KALRN: variants seen among roughly 807,000 people sequenced by gnomAD.
KALRN encodes kalirin.
A neutral mutation model predicts 353.7 loss-of-function variants in KALRN; 70 were observed. The observed-to-expected ratio is 0.20, with a 90% CI of 0.16 to 0.24. The LOEUF is 0.24. Among genes scored for constraint, KALRN ranks in the 10% least tolerant of loss-of-function variants. The pLI is 1.00. For missense variants in KALRN, 2,791 were observed against 3,756.7 expected, an observed-to-expected ratio of 0.74 and a Z score of 6.72; for synonymous variants, 1,391 against 1,434.8, an observed-to-expected ratio of 0.97 and a Z score of 0.69.
intron 38 of KALRN, among the ~76,000 whole-genome samples, chr3:124,653,332 A>G (rs1459536773): frequency 6.6e-6 from 1 of 152,222 alleles, no homozygotes; most frequent in African/African-American, 2.4e-5. Flanking sequence ...CTTGTCTTCA[A>G]GTTTTAGTCA....
intron 1 of KALRN, among the ~76,000 whole-genome samples, chr3:124,143,945 AG>A (rs1297514157): frequency 6.6e-6 from 1 of 152,148 alleles, no homozygotes; most frequent in Non-Finnish European, 1.5e-5. Context: ...ATGGGCAGTA[AG>A]GGGGGGATCT....
At position 124,660,938 on chromosome 3, in the gene KALRN, A is replaced by G; in HGVS notation, c.6232A>G (p.Ser2078Gly). 6.2e-7 allele frequency: 1 copy of G among 1,610,826 alleles called. No homozygotes were observed. Among genetic ancestry groups the G allele is most frequent in the Non-Finnish European group, 8.5e-7 (1 of 1,177,174 alleles). ...QLLLKDFLRY[S>G]EKAGLECSDI... ...TACTTGTTAGGACTTCCTGAGATACAGTGAGAAGGCTGGTTTGGAGTGTTC... is the reference window on the plus strand; with the variant it reads ...TACTTGTTAGGACTTCCTGAGATACGGTGAGAAGGCTGGTTTGGAGTGTTC... The change falls in exon 44 of 60, where the codon AGT becomes GGT. Residue 2078 changes from serine to glycine, a missense_variant. By Grantham distance (56) the Ser-to-Gly change is moderately conservative (BLOSUM62 0). This residue lies in a region of KALRN where 1,065 missense variants were observed against 1,156.4 expected (regional missense o/e 0.92). Coordinates refer to ENST00000682506, the MANE Select transcript of KALRN (RefSeq NM_001388419.1).
chr3:124,620,751 C>G (rs2079174883), intron 34 of KALRN, among the ~76,000 whole-genome samples: 1 of 152,210 alleles, frequency 6.6e-6, no homozygotes. Context: ...TCAGGAAGTG[C>G]TTATCTAGGG....
chr3:124,604,154 T>A (rs202091605), intron 34 of KALRN, among the ~76,000 whole-genome samples: 59 of 83,174 alleles, frequency 7.1e-4, no homozygotes, highest in South Asian at 4.5e-3. Context: ...TTTTTTTTTT[T>A]AAATTTATTA....
chr3:124,091,162 G>C (rs2061096909), intron 1 of KALRN, among the ~76,000 whole-genome samples: 1 of 152,220 alleles, frequency 6.6e-6, no homozygotes. Context: ...GATGCTGTCT[G>C]CTGGAGTGTT....
Position 124,250,335 on chromosome 3 carries a change from G to T in KALRN, c.264-14163G>T, listed in dbSNP as rs529485100. ...TGTGGGGGTTCCTGTGAGAGGGCAG[G>T]GAGAGGTGGGGGTGTGACAAGAGAA... On this transcript the variant is annotated intron_variant, in intron 3 of 59. Coordinates refer to ENST00000682506, the MANE Select transcript of KALRN (RefSeq NM_001388419.1). 2.6e-5 allele frequency among the ~76,000 whole-genome samples: 4 copies of T among 152,326 alleles called. No individual in the cohort carries two copies. In the South Asian group the frequency reaches 8.3e-4, roughly 32 times the overall value.
At chr3:124,560,448 C>T (rs780936500) in intron 33 of KALRN, among the ~76,000 whole-genome samples, 1 of 152,030 alleles carries the variant, frequency 6.6e-6, no homozygotes, top group Non-Finnish European at 1.5e-5. Context: ...AGTCCATTAG[C>T]GAGGTGGAAT....
chr3:124,507,929 G>T (rs148377032), intron 33 of KALRN, among the ~76,000 whole-genome samples: 2 of 152,132 alleles, frequency 1.3e-5, no homozygotes, highest in Non-Finnish European at 2.9e-5. Flanking sequence ...TGGCCTTGAA[G>T]TTCATCTTCC....
At chr3:124,504,592 C>T in intron 33 of KALRN, 1 of 273,222 alleles carries the variant, frequency 3.7e-6, no homozygotes, top group South Asian at 4.3e-5. Context: ...TCAGGGTTGG[C>T]ATGTGGCAAG....
chr3:124,579,692 C>T (rs1011153861), intron 34 of KALRN, among the ~76,000 whole-genome samples: 1 of 152,186 alleles, frequency 6.6e-6, no homozygotes, highest in East Asian at 1.9e-4. Flanking sequence ...GCTTCATTCT[C>T]GGAGAGCTTC....
At chr3:124,690,965 A>T (rs1299930586) in intron 51 of KALRN, among the ~76,000 whole-genome samples, 1 of 152,250 alleles carries the variant, frequency 6.6e-6, no homozygotes, top group Non-Finnish European at 1.5e-5. Context: ...TCTGAAATGA[A>T]GTCAAAGGTC....
At chr3:124,525,551 C>A (rs942370756) in intron 33 of KALRN, among the ~76,000 whole-genome samples, 10 of 152,114 alleles carry the variant, frequency 6.6e-5, no homozygotes, top group African/African-American at 2.4e-4. Flanking sequence ...CGAGAGTGAC[C>A]TGTAAGGATA....
At chr3:124,642,806 G>GTTGTTTTTTTTTT (rs796628603) in intron 37 of KALRN, among the ~76,000 whole-genome samples, 5,709 of 95,610 alleles carry the variant, frequency 0.06, 529 homozygotes, top group Middle Eastern at 0.079. Context: ...CCCAAGCCTC[G>GTTGTTTTTTTTTT]TTTTTTTTTT....
At chr3:124,463,551 G>A (rs914787632) in intron 25 of KALRN, among the ~76,000 whole-genome samples, 9 of 152,216 alleles carry the variant, frequency 5.9e-5, no homozygotes, top group African/African-American at 2.2e-4. Context: ...GATATGTGTG[G>A]CTAATGAACA....
At chr3:124,092,388 C>A (rs2149370201) in intron 1 of KALRN, among the ~76,000 whole-genome samples, 1 of 152,312 alleles carries the variant, frequency 6.6e-6, no homozygotes, top group East Asian at 1.9e-4. Context: ...AGATTTCTCC[C>A]AAGTTGTGTT....
intron 21 of KALRN, among the ~76,000 whole-genome samples, chr3:124,452,255 C>T (rs767240968): frequency 6.6e-6 from 1 of 152,200 alleles, no homozygotes; most frequent in South Asian, 2.1e-4. Context: ...TCTACTTCTT[C>T]CCAATAAAAA....
rs5852396 is a variant in KALRN, at chr3:124,209,492, CAAA to C, written c.74-18475_74-18473del. Among the ~76,000 whole-genome samples, 509 of 70,014 alleles carry C rather than the reference CAAA, an allele frequency of 7.3e-3. 3 individuals carry two copies. The highest frequency in any genetic ancestry group is 9.6e-3 in the Non-Finnish European group (387 of 40,196). 45.9% of individuals were successfully genotyped at this position (70,014 alleles called of 152,430 possible). On this transcript the variant is annotated intron_variant, in intron 1 of 59. Transcript: ENST00000682506. ...CAACAGAGCAAGACTCACTCTGTCTCAAAAAAAAAAAAAAAAAAAAAAAAATCC... is the reference window on the plus strand; with the variant it reads ...CAACAGAGCAAGACTCACTCTGTCTCAAAAAAAAAAAAAAAAAAAAAATCC...
intron 1 of KALRN, among the ~76,000 whole-genome samples, chr3:124,104,447 C>T (rs889176201): frequency 6.6e-6 from 1 of 152,184 alleles, no homozygotes; most frequent in Non-Finnish European, 1.5e-5. Flanking sequence ...GGATGGAAAT[C>T]AGCAAATACA....
At chr3:124,338,077 C>A (rs189104846) in intron 9 of KALRN, among the ~76,000 whole-genome samples, 7 of 151,892 alleles carry the variant, frequency 4.6e-5, no homozygotes, top group Non-Finnish European at 8.8e-5. Context: ...TTAATCTTTT[C>A]GAAAATCAGC....
Sources: gnomAD v4.1 joint callset for allele counts (sites outside exome capture counted in the v4.1 genomes callset) on GRCh38, gnomAD v4.1.1 for gene constraint, gnomAD v4.1.1 regional missense constraint, MANE v1.5 for transcripts, NCBI Gene and HGNC (gene_info 2026-07-23, HGNC 2026-07-21) for gene names.